PEX5L: variants seen among roughly 807,000 people sequenced by gnomAD.
PEX5L encodes the protein PEX5-related protein.
PEX5L carries 30 observed loss-of-function variants against 84.0 expected under a neutral mutation model. The ratio of observed to expected loss-of-function variants is 0.36; its 90% CI spans 0.27 to 0.48. PEX5L has a LOEUF of 0.48. PEX5L is among the 20% of genes least tolerant of loss of function. PEX5L has a pLI of 0.99. For synonymous variants in PEX5L, 270 were observed against 283.1 expected (o/e 0.95, Z 0.46); for missense variants, 533 against 754.6 (o/e 0.71, Z 3.44).
intron 8 of PEX5L, among the ~76,000 whole-genome samples, chr3:179,847,880 T>C (rs1194747520): frequency 6.6e-6 from 1 of 151,994 alleles, no homozygotes; most frequent in East Asian, 1.9e-4. Context: ...AGATCTTTTG[T>C]AGAGATAGGG....
chr3:179,892,712 A>G (rs996729069), intron 3 of PEX5L, among the ~76,000 whole-genome samples: 2 of 152,144 alleles, frequency 1.3e-5, no homozygotes, highest in African/African-American at 4.8e-5. Flanking sequence ...AAATGTTTGG[A>G]GACCTACTGA....
At chr3:179,962,361 A>G (rs928605569) in intron 2 of PEX5L, among the ~76,000 whole-genome samples, 1 of 152,232 alleles carries the variant, frequency 6.6e-6, no homozygotes, top group Non-Finnish European at 1.5e-5. Context: ...ATTGCCTGTG[A>G]TGTGAAGTAA....
chr3:179,923,572 C>T (rs1770504063), intron 2 of PEX5L, among the ~76,000 whole-genome samples: 1 of 152,198 alleles, frequency 6.6e-6, no homozygotes, highest in South Asian at 2.1e-4. Context: ...GTTTCAATAA[C>T]CCCTTCAAGT....
chr3:179,890,334 G>A (rs1038225906), intron 3 of PEX5L, among the ~76,000 whole-genome samples: 5 of 152,102 alleles, frequency 3.3e-5, no homozygotes, highest in African/African-American at 1.2e-4. Context: ...ATTGTAACAG[G>A]GTTGCATTTA....
At chr3:179,934,621 T>G (rs191019203) in intron 2 of PEX5L, among the ~76,000 whole-genome samples, 1 of 152,342 alleles carries the variant, frequency 6.6e-6, no homozygotes, top group East Asian at 1.9e-4. Context: ...CTCTCTCCAC[T>G]TTATTTCCAT....
chr3:179,896,257 C>T (rs1208558231), intron 3 of PEX5L: 2 of 152,126 alleles, frequency 1.3e-5, no homozygotes, highest in African/African-American at 4.8e-5. Context: ...TTCTGTAATA[C>T]TATCAACACA....
At chr3:179,941,952 C>A (rs1332167710) in intron 2 of PEX5L, among the ~76,000 whole-genome samples, 1 of 129,556 alleles carries the variant, frequency 7.7e-6, no homozygotes, top group Non-Finnish European at 1.5e-5. Context: ...ACCCGGGAGG[C>A]GGAGGTTGCA....
At chr3:179,959,859 A>G (rs1020888424) in intron 2 of PEX5L, among the ~76,000 whole-genome samples, 1 of 152,130 alleles carries the variant, frequency 6.6e-6, no homozygotes, top group Non-Finnish European at 1.5e-5. Flanking sequence ...AGGACAAATT[A>G]TTTTTTAGAA....
rs557383526 is a variant in PEX5L, at chr3:179,980,769, C to T, written c.22-9104G>A. 5.3e-5 allele frequency among the ~76,000 whole-genome samples: 8 copies of T among 152,198 alleles called. No homozygotes were observed. In the South Asian group the frequency reaches 6.2e-4, roughly 12 times the overall value. ...TTAAAACAGCAGAGTTGGCCAGGAG[C>T]GGTGGCTCACACCTGTAATCCCAGC... On this transcript the variant is annotated intron_variant, in intron 1 of 14. Coordinates refer to ENST00000467460, the MANE Select transcript of PEX5L (RefSeq NM_016559.3).
At chr3:179,824,706 C>CAAAAAAAAAAAAAAAAAA (rs11296415) in intron 8 of PEX5L, among the ~76,000 whole-genome samples, 2 of 70,512 alleles carry the variant, frequency 2.8e-5, no homozygotes, top group Non-Finnish European at 5.2e-5. Flanking sequence ...AACTCCATCT[C>CAAAAAAAAAAAAAAAAAA]AAAAAAAAAA....
intron 2 of PEX5L, among the ~76,000 whole-genome samples, chr3:179,970,763 T>C (rs1784514330): frequency 1.3e-5 from 2 of 152,154 alleles, no homozygotes; most frequent in Non-Finnish European, 2.9e-5. Context: ...CAGGTGCCTT[T>C]CTGTAAATTA....
At position 179,849,453 on chromosome 3, in the gene PEX5L, A is replaced by C. The variant is rs150494226; in HGVS notation, c.822+9609T>G. 7.8e-3 allele frequency among the ~76,000 whole-genome samples: 1,195 copies of C among 152,354 alleles called. 15 individuals are homozygous for C. The highest frequency in any genetic ancestry group is 0.027 in the African/African-American group (1,138 of 41,588). On this transcript the variant is annotated intron_variant, in intron 8 of 14. Transcript: ENST00000467460. The stretch of plus-strand genomic sequence containing the variant: ...CAACCACGCATTTTACTAATGAAAA[A>C]GCTGCGGCCCAAATGCCATATTTTC...
intron 8 of PEX5L, among the ~76,000 whole-genome samples, chr3:179,827,879 C>T (rs1319226039): frequency 2.6e-5 from 4 of 152,142 alleles, no homozygotes; most frequent in Non-Finnish European, 5.9e-5. Flanking sequence ...GTCAATCTCC[C>T]CCCAGCCCTT....
At chr3:179,975,899 G>T (rs1785730165) in intron 1 of PEX5L, among the ~76,000 whole-genome samples, 1 of 152,188 alleles carries the variant, frequency 6.6e-6, no homozygotes, top group African/African-American at 2.4e-5. Flanking sequence ...GTGCTGAAAA[G>T]ATACTTGCTG....
intron 2 of PEX5L, among the ~76,000 whole-genome samples, chr3:179,958,000 T>C (rs1013768722): frequency 2.0e-5 from 3 of 152,056 alleles, no homozygotes; most frequent in Admixed American, 2.0e-4. Context: ...CATTCTCCTT[T>C]TCTCTATTTC....
At chr3:179,959,411 G>C (rs1203340606) in intron 2 of PEX5L, among the ~76,000 whole-genome samples, 1 of 152,156 alleles carries the variant, frequency 6.6e-6, no homozygotes, top group Admixed American at 6.5e-5. Flanking sequence ...TCTGTTGACT[G>C]TAAGTCCAAC....
chr3:179,954,213 G>GGT (rs1560896208), intron 2 of PEX5L, among the ~76,000 whole-genome samples: 8 of 103,648 alleles, frequency 7.7e-5, no homozygotes, highest in African/African-American at 2.6e-4. Flanking sequence ...TCGGGGGGGG[G>GGT]GGAAAAAGTC....
chr3:179,979,166 T>C (rs1786078123), intron 1 of PEX5L, among the ~76,000 whole-genome samples: 1 of 152,198 alleles, frequency 6.6e-6, no homozygotes, highest in Non-Finnish European at 1.5e-5. Flanking sequence ...TTATGTCAGA[T>C]TCAGCAATGT....
chr3:179,803,753 A>G (rs1296845154), intron 14 of PEX5L, among the ~76,000 whole-genome samples: 1 of 152,220 alleles, frequency 6.6e-6, no homozygotes, highest in Non-Finnish European at 1.5e-5. Flanking sequence ...TGGATTTCTA[A>G]TTCTAATGCA....
Sources: allele counts gnomAD v4.1 joint callset (sites outside exome capture counted in the v4.1 genomes callset), GRCh38; gene constraint gnomAD v4.1.1; transcripts MANE v1.5; gene names NCBI Gene and HGNC (gene_info 2026-07-23, HGNC 2026-07-21).